Variants in PRDM12 observed in about 807,000 individuals in gnomAD.
PRDM12 encodes the protein PR domain zinc finger protein 12.
Under a neutral mutation model 29.6 loss-of-function variants are expected in PRDM12, and 17 were observed. That is an observed-to-expected ratio of 0.57 (90% CI 0.39 to 0.86). The LOEUF (loss-of-function observed/expected upper bound fraction) is 0.86, where lower values mean the gene tolerates loss of function less well. PRDM12 is among the 40% of genes least tolerant of loss of function. PRDM12 has a pLI of 0.00. For synonymous variants in PRDM12, 231 were observed against 225.8 expected (o/e 1.02, Z -0.21); for missense variants, 422 against 510.8 (o/e 0.83, Z 1.68).
intron 1 of PRDM12, 125 bp downstream of exon 1, chr9:130,665,001 C>T (rs1830718353): frequency 2.0e-6 from 2 of 1,012,872 alleles, no homozygotes; most frequent in Non-Finnish European, 2.8e-6. Flanking sequence ...CCTGGGCTCT[C>T]CCGGCGCTCG....
At chr9:130,674,492 T>TGTGTGTGTGTG (rs1830817610) in intron 3 of PRDM12, among the ~76,000 whole-genome samples, 1 of 142,796 alleles carries the variant, frequency 7.0e-6, no homozygotes, top group Non-Finnish European at 1.5e-5. Flanking sequence ...AAAAGATAAT[T>TGTGTGTGTGTG]TGTGTGTGTG....
chr9:130,674,010 C>CTTTTTTTT (rs35863613), intron 3 of PRDM12, among the ~76,000 whole-genome samples: 246 of 71,866 alleles, frequency 3.4e-3, no homozygotes, highest in Non-Finnish European at 4.5e-3. Context: ...TTCTTTCTTT[C>CTTTTTTTT]TTTTTTTTTT....
intron 2 of PRDM12, among the ~76,000 whole-genome samples, chr9:130,667,822 C>T (rs1276974373): frequency 1.3e-5 from 2 of 152,194 alleles, no homozygotes; most frequent in Non-Finnish European, 2.9e-5. Flanking sequence ...GGGAGCACCT[C>T]TGCATCCCTT....
At position 130,664,604 on chromosome 9, in the gene PRDM12, TC is replaced by T. The variant is rs982180129; in HGVS notation, c.-45del. 3.9e-6 allele frequency: 5 copies of T among 1,271,490 alleles called. No homozygotes were observed. Among genetic ancestry groups the T allele is most frequent in the African/African-American group, 3.2e-5 (2 of 61,698 alleles). The allele number at this position is 1,271,490 out of a possible 1,614,324, so 78.8% of individuals were successfully genotyped here. ...TGGGCTCCCCTCTCGCCCGCCCACC[TC>T]CCCCGTCGGCCCGGCCGTCCCCCGG... On this transcript the variant is annotated 5_prime_UTR_variant, in exon 1 of 5. Coordinates refer to ENST00000253008, the MANE Select transcript of PRDM12 (RefSeq NM_021619.3). This position sits in a 1 kb window ranked among gnomAD's most constrained non-coding sequence, Gnocchi z 6.4.
intron 4 of PRDM12, 100 bp downstream of exon 4, chr9:130,678,740 C>T: frequency 1.0e-6 from 1 of 958,214 alleles, no homozygotes. Flanking sequence ...CTCTTGGCCT[C>T]CAGGGACCTT....
chr9:130,679,425 C>T (rs1412308852), intron 4 of PRDM12, among the ~76,000 whole-genome samples: 3 of 148,882 alleles, frequency 2.0e-5, no homozygotes, highest in African/African-American at 7.5e-5. Flanking sequence ...CTCTGCCTCC[C>T]AGGTTCAAGC....
intron 2 of PRDM12, among the ~76,000 whole-genome samples, chr9:130,667,233 A>C (rs2132590074): frequency 6.6e-6 from 1 of 152,248 alleles, no homozygotes; most frequent in South Asian, 2.1e-4. Flanking sequence ...GCTGGAAAGG[A>C]GAATGCCTGG....
At chr9:130,670,435 G>A (rs73551836) in intron 3 of PRDM12, among the ~76,000 whole-genome samples, 3,721 of 152,224 alleles carry the variant, frequency 0.024, 150 homozygotes, top group African/African-American at 0.082. Flanking sequence ...GAGGGGGGTG[G>A]TGCTTGGAGG....
chr9:130,669,395 C>T (rs1364608804), intron 3 of PRDM12, among the ~76,000 whole-genome samples: 3 of 151,946 alleles, frequency 2.0e-5, no homozygotes, highest in East Asian at 1.9e-4. Flanking sequence ...TGGTGGCAGA[C>T]GCCTGTAATC....
intron 3 of PRDM12, among the ~76,000 whole-genome samples, chr9:130,675,549 G>A (rs1233840897): frequency 2.0e-5 from 3 of 152,338 alleles, no homozygotes; most frequent in African/African-American, 7.2e-5. Flanking sequence ...GCCAGAAACC[G>A]CTGCCAGCTT....
Position 130,681,351 on chromosome 9 carries a change from G to T in PRDM12, c.786G>T (p.Met262Ile). 1 of 1,580,210 alleles carries T rather than the reference G, an allele frequency of 6.3e-7. No homozygotes were observed. Residue 262 changes from methionine (M) to isoleucine (I), a missense_variant, in exon 5 of 5, where the codon ATG (methionine) becomes ATT (isoleucine). Physicochemically the swap from Met to Ile is conservative, Grantham distance 10 (BLOSUM62 1). Transcript: ENST00000253008. The surrounding 1 kb of genome is among the most constrained non-coding windows in gnomAD (Gnocchi z 8.1). ...FNSRSNLRSH[M>I]RIHTLDKPFV... is the part of the protein sequence containing the mutation. ...CGCGCAGCAACCTGCGCTCGCACAT[G>T]CGCATCCACACGCTGGACAAGCCCT... is the stretch of plus-strand genomic sequence containing the variant.
At chr9:130,677,824 A>T (rs1382590046) in intron 3 of PRDM12, among the ~76,000 whole-genome samples, 1 of 152,152 alleles carries the variant, frequency 6.6e-6, no homozygotes, top group African/African-American at 2.4e-5. Flanking sequence ...AGCCTGGGGC[A>T]GGTCCTCCCC....
intron 3 of PRDM12, among the ~76,000 whole-genome samples, chr9:130,676,772 C>T (rs1310067363): frequency 1.3e-5 from 2 of 152,196 alleles, no homozygotes; most frequent in Admixed American, 6.5e-5. Flanking sequence ...CTAAGGCTCG[C>T]CATGATGCCC....
chr9:130,680,621 TCTAAAAAAAAAA>T (rs1830884991), intron 4 of PRDM12, among the ~76,000 whole-genome samples: 1 of 79,254 alleles, frequency 1.3e-5, no homozygotes, highest in Non-Finnish European at 2.3e-5. Flanking sequence ...GGAGACTCCG[TCTAAAAAAAAAA>T]AATATATATA....
Position 130,679,642 on chromosome 9 carries a change from T to C in PRDM12, c.682+1002T>C, listed in dbSNP as rs1388758287. Among the ~76,000 whole-genome samples the C allele has an allele frequency of 2.6e-5, 4 of 151,942 alleles. No homozygotes were observed. The East Asian group carries it at 7.7e-4, about 29-fold the overall frequency. On this transcript the variant is annotated intron_variant, in intron 4 of 4. Transcript: ENST00000253008. ...GCCACGGCACCTGGCCTGTGAAATTTGGTTATCCATATTTTTATTTTATTT... is the reference window on the plus strand; with the variant it reads ...GCCACGGCACCTGGCCTGTGAAATTCGGTTATCCATATTTTTATTTTATTT...
chr9:130,671,648 G>T (rs1830790436), intron 3 of PRDM12, among the ~76,000 whole-genome samples: 1 of 152,164 alleles, frequency 6.6e-6, no homozygotes, highest in South Asian at 2.1e-4. Context: ...GGTGTATGTG[G>T]CCACCCTCAA....
At chr9:130,677,682 G>T (rs1009093296) in intron 3 of PRDM12, among the ~76,000 whole-genome samples, 2 of 152,224 alleles carry the variant, frequency 1.3e-5, no homozygotes, top group Non-Finnish European at 2.9e-5. Flanking sequence ...TTCCATAAGA[G>T]GCCTGGCAGG....
At position 130,666,595 on chromosome 9, in the gene PRDM12, C is replaced by CCCG; in HGVS notation, c.224-5_224-3dup. Reference sequence around the variant, plus strand: ...TCGGGCTCTGACCGGTTTTCCTGGCCCCGCCGCCGCAGAAGTGCAGAAGCT... The same window carrying CCCG: ...TCGGGCTCTGACCGGTTTTCCTGGCCCCGCCGCCGCCGCAGAAGTGCAGAAGCT... On this transcript the variant is annotated splice_polypyrimidine_tract_variant and intron_variant, in intron 1 of 4. Transcript: ENST00000253008. 1 of 1,596,882 alleles carries CCCG rather than the reference C, an allele frequency of 6.3e-7. No homozygotes were observed. Among genetic ancestry groups the CCCG allele is most frequent in the Non-Finnish European group, 8.5e-7 (1 of 1,173,024 alleles).
At chr9:130,666,311 G>T (rs772354727) in intron 1 of PRDM12, among the ~76,000 whole-genome samples, 1 of 152,254 alleles carries the variant, frequency 6.6e-6, no homozygotes, top group Non-Finnish European at 1.5e-5. Flanking sequence ...GAGGATGGAA[G>T]AAGTTGCGAA....
Sources: gnomAD v4.1 joint callset for allele counts (sites outside exome capture counted in the v4.1 genomes callset) on GRCh38, gnomAD v4.1.1 for gene constraint, Gnocchi (gnomAD v3.1) non-coding constraint, MANE v1.5 for transcripts, NCBI Gene and HGNC (gene_info 2026-07-23, HGNC 2026-07-21) for gene names.